MEGF11: variants seen among roughly 807,000 people sequenced by gnomAD.
MEGF11 encodes the protein multiple epidermal growth factor-like domains protein 11.
A neutral mutation model predicts 146.6 loss-of-function variants in MEGF11; 126 were observed. The ratio of observed to expected loss-of-function variants is 0.86; its 90% confidence interval spans 0.74 to 1.00. MEGF11 has a LOEUF of 1.00. MEGF11 is among the 50% of genes least tolerant of loss of function. The probability of loss-of-function intolerance (pLI) is 0.00; values close to 1 mark genes in which losing one functional copy is unlikely to be tolerated. For missense variants in MEGF11, 1,509 were observed against 1,521.2 expected (o/e 0.99, Z 0.13); for synonymous variants, 532 against 583.4 (o/e 0.91, Z 1.27).
intron 5 of MEGF11, among the ~76,000 whole-genome samples, chr15:66,033,184 T>C (rs977011404): frequency 2.6e-5 from 4 of 151,502 alleles, no homozygotes; most frequent in African/African-American, 9.7e-5. Context: ...AAATGGCACC[T>C]AGGTGTGGCC....
At chr15:65,968,961 A>G (rs2081208752) in intron 8 of MEGF11, among the ~76,000 whole-genome samples, 1 of 152,144 alleles carries the variant, frequency 6.6e-6, no homozygotes, top group Admixed American at 6.5e-5. Context: ...AATTTTACAA[A>G]ATATTAAACA....
At position 65,982,305 on chromosome 15, in the gene MEGF11, T is replaced by A; in HGVS notation, c.578A>T (p.His193Leu). The change falls in exon 6 of 26, where the codon CAC becomes CTC. Residue 193 changes from histidine to leucine, a missense_variant. Physicochemically the swap from His to Leu is moderately conservative, Grantham distance 99. Transcript: ENST00000395614. This position sits in a 1 kb window ranked among gnomAD's most constrained non-coding sequence, Gnocchi z 5.6. ...GGCGCGGGGGTCGCAGCTGGCACCG[T>A]GTCGGCACTGGCACGGCAGCTGGCA... ...KGCQLPCQCRHGASCDPRAGE... is the reference protein window; with the variant it reads ...KGCQLPCQCRLGASCDPRAGE... 6.5e-7 allele frequency: 1 copy of A among 1,538,300 alleles called. No homozygotes were observed. Among genetic ancestry groups the A allele is most frequent in the South Asian group, 1.2e-5 (1 of 83,830 alleles).
In MEGF11 at chr15:66,119,191, G is replaced by A. The variant is rs1282807131; in HGVS notation, c.201-5C>T. The A allele has an allele frequency of 6.5e-7, 1 of 1,547,320 alleles. No individual in the cohort carries two copies. Among genetic ancestry groups the A allele is most frequent in the African/African-American group, 1.4e-5 (1 of 72,932 alleles). ...TACGCCGTCTTATAACTGATCCTAA[G>A]GCACAAGGGAGAAAGCCACTTGAAA... On this transcript the variant is annotated splice_region_variant and splice_polypyrimidine_tract_variant and intron_variant, in intron 3 of 25. Transcript: ENST00000395614.
chr15:66,209,267 G>A (rs529245309), intron 1 of MEGF11, among the ~76,000 whole-genome samples: 84 of 151,890 alleles, frequency 5.5e-4, no homozygotes, highest in Non-Finnish European at 2.1e-4. Context: ...AGAGAATGGC[G>A]TGAACCCAGG....
At chr15:66,124,961 G>C (rs528737839) in intron 2 of MEGF11, among the ~76,000 whole-genome samples, 1 of 152,358 alleles carries the variant, frequency 6.6e-6, no homozygotes, top group African/African-American at 2.4e-5. Context: ...TTCCCAGAAG[G>C]CTCACTGACC....
chr15:66,180,616 G>A (rs550524967), intron 1 of MEGF11, among the ~76,000 whole-genome samples: 2 of 147,546 alleles, frequency 1.4e-5, no homozygotes, highest in South Asian at 4.2e-4. Context: ...GGCTCTCTCT[G>A]GCAGAAAAAA....
chr15:66,010,182 C>A (rs2082667120), intron 5 of MEGF11, among the ~76,000 whole-genome samples: 2 of 127,688 alleles, frequency 1.6e-5, no homozygotes, highest in East Asian at 2.4e-4. Context: ...AAAAAAAGTG[C>A]AAAAAAACTC....
At chr15:66,194,320 T>C (rs916258533) in intron 1 of MEGF11, among the ~76,000 whole-genome samples, 1 of 152,126 alleles carries the variant, frequency 6.6e-6, no homozygotes, top group Non-Finnish European at 1.5e-5. Context: ...ATAAGAATGA[T>C]AGAATGAGCC....
At chr15:66,025,507 T>C (rs1670140831) in intron 5 of MEGF11, among the ~76,000 whole-genome samples, 1 of 152,116 alleles carries the variant, frequency 6.6e-6, no homozygotes, top group Non-Finnish European at 1.5e-5. Context: ...GGTAGCACGG[T>C]GGAGTCGGAC....
chr15:66,129,978 A>G (rs555331074), intron 1 of MEGF11, among the ~76,000 whole-genome samples: 2 of 152,294 alleles, frequency 1.3e-5, no homozygotes, highest in South Asian at 4.1e-4. Flanking sequence ...GTTTCTGCTC[A>G]ATGTGCAGAG....
chr15:66,187,860 T>C (rs753145877), intron 1 of MEGF11, among the ~76,000 whole-genome samples: 7 of 152,220 alleles, frequency 4.6e-5, no homozygotes, highest in Non-Finnish European at 8.8e-5. Context: ...GTGAACTCCA[T>C]GATTTTGATA....
At chr15:66,043,082 G>A (rs2084052856) in intron 5 of MEGF11, among the ~76,000 whole-genome samples, 1 of 152,202 alleles carries the variant, frequency 6.6e-6, no homozygotes, top group African/African-American at 2.4e-5. Context: ...AGGCGGGCTG[G>A]GGCCATGGCT....
intron 4 of MEGF11, among the ~76,000 whole-genome samples, chr15:66,103,254 C>A (rs1304024404): frequency 6.6e-6 from 1 of 152,216 alleles, no homozygotes; most frequent in Non-Finnish European, 1.5e-5. Flanking sequence ...GCTTCCAGTG[C>A]AGCCTTGGAG....
rs534948536 is a variant in MEGF11 at position 66,096,235 on chromosome 15, C to T, written c.302-1741G>A. On this transcript the variant is annotated intron_variant, in intron 4 of 25. Coordinates refer to ENST00000395614, the MANE Select transcript of MEGF11 (RefSeq NM_001385028.1). ...GCTTGTCACATTAGCTCACTAACAC[C>T]GCCAACTGTTTTCTGACTGCAGAGA... Among the ~76,000 whole-genome samples the T allele has an allele frequency of 7.9e-5, 12 of 152,316 alleles. 1 individual carries two copies. In the South Asian group the frequency reaches 2.3e-3, roughly 29 times the overall value.
At chr15:66,246,201 G>A (rs1744597459) in intron 1 of MEGF11, among the ~76,000 whole-genome samples, 1 of 152,174 alleles carries the variant, frequency 6.6e-6, no homozygotes, top group African/African-American at 2.4e-5. Flanking sequence ...AGTTTGCAAT[G>A]AGCAGAGATC....
intron 1 of MEGF11, among the ~76,000 whole-genome samples, chr15:66,237,636 T>C (rs2092123773): frequency 6.6e-6 from 1 of 152,146 alleles, no homozygotes; most frequent in South Asian, 2.1e-4. Context: ...ACCTCCTTCC[T>C]GGAGTAGTTT....
At chr15:65,988,302 C>A (rs2081934132) in intron 5 of MEGF11, among the ~76,000 whole-genome samples, 1 of 152,170 alleles carries the variant, frequency 6.6e-6, no homozygotes, top group Non-Finnish European at 1.5e-5. Context: ...GCCACTGCAC[C>A]TGCCCTCTGT....
Position 65,897,816 on chromosome 15 carries a change from C to T in MEGF11, c.*118G>A, listed in dbSNP as rs926198177. 24 of 941,442 alleles carry T rather than the reference C, an allele frequency of 2.5e-5. No homozygotes were observed. Among genetic ancestry groups the T allele is most frequent in the Admixed American group, 1.1e-4 (4 of 37,538 alleles). 58.3% of individuals were successfully genotyped at this position (941,442 alleles called of 1,614,324 possible). A position where few individuals can be genotyped will look rare whatever the true frequency, so the allele number is the denominator to read the frequency against. ...ACGCTCTTCTTTAGTTCCAGGTGAA[C>T]GTAATAACTAACATGCAGCTGGAGC... On this transcript the variant is annotated 3_prime_UTR_variant, in exon 26 of 26. Coordinates refer to ENST00000395614, the MANE Select transcript of MEGF11 (RefSeq NM_001385028.1).
chr15:66,071,425 G>A (rs1019231870), intron 5 of MEGF11, among the ~76,000 whole-genome samples: 1 of 152,262 alleles, frequency 6.6e-6, no homozygotes, highest in Non-Finnish European at 1.5e-5. Flanking sequence ...CCTTGGCTGT[G>A]ACCCATGTCA....
Sources: gnomAD v4.1 joint callset for allele counts (sites outside exome capture counted in the v4.1 genomes callset) on GRCh38, gnomAD v4.1.1 for gene constraint, Gnocchi (gnomAD v3.1) non-coding constraint, MANE v1.5 for transcripts, NCBI Gene and HGNC (gene_info 2026-07-23, HGNC 2026-07-21) for gene names.